Variants in GARIN2 observed in about 807,000 individuals in gnomAD.
The protein encoded by GARIN2 is Golgi-associated RAB2 interactor protein 2.
At chr14:67,206,761 C>A in the GARIN2 span, among the ~76,000 whole-genome samples, 1 of 151,908 alleles carries the variant, frequency 6.6e-6, no homozygotes, top group Non-Finnish European at 1.5e-5. Flanking sequence ...GAGACAGTCT[C>A]ACTCCGTTGC....
the GARIN2 span, chr14:67,201,321 A>G: frequency 2.8e-6 from 1 of 353,418 alleles, no homozygotes; most frequent in South Asian, 2.3e-5. Context: ...ATATTTTTAA[A>G]AAAATTTAAA....
chr14:67,221,068 A>G, the GARIN2 span, among the ~76,000 whole-genome samples: 2,998 of 152,340 alleles, frequency 0.02, 41 homozygotes, highest in Middle Eastern at 0.034. Flanking sequence ...ATGTTTTAGT[A>G]TGCCAATGAG....
chr14:67,225,962 T>TGTGTGTGTGTGTGTGTGTGC, the GARIN2 span, among the ~76,000 whole-genome samples: 44 of 113,480 alleles, frequency 3.9e-4, no homozygotes, highest in South Asian at 5.9e-4. Context: ...TGTGTGTGTG[T>TGTGTGTGTGTGTGTGTGTGC]GCGCGCGCGC....
At chr14:67,206,312 A>G in the GARIN2 span, among the ~76,000 whole-genome samples, 1 of 152,196 alleles carries the variant, frequency 6.6e-6, no homozygotes, top group African/African-American at 2.4e-5. Context: ...AGCCTGGCCA[A>G]CATGGCAAAA....
At chr14:67,225,159 C>T in the GARIN2 span, 1 of 1,585,160 alleles carries the variant, frequency 6.3e-7, no homozygotes, top group Non-Finnish European at 8.6e-7. Context: ...TTTCCTCAAA[C>T]TTGTGCCTCA....
the GARIN2 span, chr14:67,205,143 C>A: frequency 6.8e-7 from 1 of 1,470,148 alleles, no homozygotes; most frequent in Non-Finnish European, 9.1e-7. Context: ...AGAGGGGTTA[C>A]CGAGATCACA....
At chr14:67,199,352 G>A in the GARIN2 span, 3 of 1,614,056 alleles carry the variant, frequency 1.9e-6, no homozygotes, top group Non-Finnish European at 2.5e-6. Context: ...AAACCTGGAT[G>A]TAGGGGCCAA....
the GARIN2 span, among the ~76,000 whole-genome samples, chr14:67,195,279 A>T: frequency 1.3e-4 from 20 of 152,284 alleles, no homozygotes; most frequent in Non-Finnish European, 2.6e-4. Context: ...GGCTGCAAAT[A>T]TCCTTGAATT....
chr14:67,225,343 G>T, the GARIN2 span: 1 of 940,206 alleles, frequency 1.1e-6, no homozygotes, highest in South Asian at 2.0e-5. Context: ...GTTAATAAGT[G>T]GGATCTTTTA....
chr14:67,217,507 AT>A, the GARIN2 span, among the ~76,000 whole-genome samples: 1 of 151,680 alleles, frequency 6.6e-6, no homozygotes, highest in African/African-American at 2.4e-5. Flanking sequence ...CTTATTGTTT[AT>A]TTTTGCAGTT....
chr14:67,196,764 GATC>G, the GARIN2 span: 2 of 152,176 alleles, frequency 1.3e-5, no homozygotes, highest in African/African-American at 4.8e-5. Context: ...CCACGGTGAG[GATC>G]ATCAACAACA....
At chr14:67,198,210 G>C in the GARIN2 span, 118 of 1,613,744 alleles carry the variant, frequency 7.3e-5, no homozygotes, top group Non-Finnish European at 9.8e-5. Flanking sequence ...TAAGCAAGAT[G>C]CTCTCTGCAC....
the GARIN2 span, chr14:67,227,826 C>T: frequency 6.6e-6 from 1 of 152,112 alleles, no homozygotes; most frequent in Non-Finnish European, 1.5e-5. Flanking sequence ...CCTGAATGGA[C>T]AGGTTTTTCC....
the GARIN2 span, chr14:67,198,922 G>T: frequency 4.3e-6 from 3 of 698,172 alleles, no homozygotes; most frequent in Admixed American, 4.0e-5. Context: ...CCATAACAAA[G>T]TCTAACACTA....
chr14:67,198,270 G>C, the GARIN2 span: 4 of 1,613,920 alleles, frequency 2.5e-6, no homozygotes, highest in South Asian at 1.1e-5. Context: ...GGATGGAGGA[G>C]AGTATGCCCC....
At chr14:67,213,433 C>G in the GARIN2 span, among the ~76,000 whole-genome samples, 1 of 145,522 alleles carries the variant, frequency 6.9e-6, no homozygotes, top group African/African-American at 2.6e-5. Flanking sequence ...TTTGTTCTTG[C>G]GATAGTTTAC....
At chr14:67,198,176 C>T in the GARIN2 span, 1 of 1,612,442 alleles carries the variant, frequency 6.2e-7, no homozygotes, top group Non-Finnish European at 8.5e-7. Flanking sequence ...AGAAGAACAC[C>T]AGCAAGACTA....
chr14:67,204,437 G>A, the GARIN2 span: 2 of 1,391,104 alleles, frequency 1.4e-6, no homozygotes, highest in South Asian at 1.9e-5. Flanking sequence ...GTGAGAACTT[G>A]TCTCAAAACA....
chr14:67,201,747 G>T, the GARIN2 span: 1 of 334,028 alleles, frequency 3.0e-6, no homozygotes, highest in Non-Finnish European at 5.9e-6. Flanking sequence ...GCACAGTTTG[G>T]GTAAGTTATC....
Sources: gnomAD v4.1 joint callset for allele counts (sites outside exome capture counted in the v4.1 genomes callset) on GRCh38, gnomAD v4.1.1 for gene constraint, MANE v1.5 for transcripts, NCBI Gene and HGNC (gene_info 2026-07-23, HGNC 2026-07-21) for gene names.